The following RBFOX1 variants were observed in gnomAD, a reference collection of about 807,000 sequenced individuals.
RBFOX1 encodes the protein RNA binding fox-1 homolog 1, also known as RNA binding protein fox-1 homolog 1.
A neutral mutation model predicts 57.7 loss-of-function variants in RBFOX1; 8 were observed. The ratio of observed to expected loss-of-function variants is 0.14; its 90% confidence interval spans 0.08 to 0.25. The LOEUF is 0.25. RBFOX1 is among the 10% of genes least tolerant of loss of function. The pLI is 1.00. For synonymous variants in RBFOX1, 326 were observed against 222.4 expected, an observed-to-expected ratio of 1.47 and a Z score of -4.15; for missense variants, 611 against 548.5, an observed-to-expected ratio of 1.11 and a Z score of -1.14.
intron 2 of RBFOX1, among the ~76,000 whole-genome samples, chr16:6,619,792 T>C (rs137881209): frequency 5.3e-5 from 8 of 151,986 alleles, no homozygotes; most frequent in African/African-American, 1.4e-4. Context: ...GTTGTACAGA[T>C]GATTTCATCA....
chr16:6,112,977 T>C (rs1051650976), intron 1 of RBFOX1, among the ~76,000 whole-genome samples: 3 of 152,290 alleles, frequency 2.0e-5, no homozygotes, highest in South Asian at 2.1e-4. Flanking sequence ...GGAAGCACCA[T>C]TGAAGCCAAG....
chr16:7,286,547 C>T (rs2095655203), intron 4 of RBFOX1, among the ~76,000 whole-genome samples: 1 of 146,996 alleles, frequency 6.8e-6, no homozygotes, highest in African/African-American at 2.5e-5. Flanking sequence ...CTGCCAGGTT[C>T]AAGCAACTTT....
intron 4 of RBFOX1, among the ~76,000 whole-genome samples, chr16:7,470,877 CAG>C (rs1156876157): frequency 2.0e-5 from 3 of 148,914 alleles, no homozygotes; most frequent in African/African-American, 7.4e-5. Flanking sequence ...GAGTAGATCT[CAG>C]GGCGGGATGG....
At chr16:5,307,257 C>T (rs1282155571) in intron 1 of RBFOX1, among the ~76,000 whole-genome samples, 3 of 152,156 alleles carry the variant, frequency 2.0e-5, no homozygotes, top group African/African-American at 7.2e-5. Context: ...TATTTCTGTG[C>T]TCACACCAGG....
intron 12 of RBFOX1, among the ~76,000 whole-genome samples, chr16:7,659,998 G>A (rs2067295558): frequency 6.6e-6 from 1 of 152,136 alleles, no homozygotes; most frequent in African/African-American, 2.4e-5. Context: ...AAAAATAGCG[G>A]TATTTGAACA....
intron 12 of RBFOX1, among the ~76,000 whole-genome samples, chr16:7,657,246 C>T (rs2066527235): frequency 1.3e-5 from 2 of 152,306 alleles, no homozygotes; most frequent in South Asian, 2.1e-4. Flanking sequence ...AGATATCCAA[C>T]ATAAAGATAG....
intron 3 of RBFOX1, among the ~76,000 whole-genome samples, chr16:5,623,337 C>CA (rs901456136): frequency 7.9e-5 from 12 of 152,148 alleles, no homozygotes; most frequent in African/African-American, 2.7e-4. Flanking sequence ...GGCAGTTCCT[C>CA]AAAATGCATT....
chr16:7,330,723 A>T (rs577230575), intron 4 of RBFOX1, among the ~76,000 whole-genome samples: 2 of 152,126 alleles, frequency 1.3e-5, no homozygotes, highest in South Asian at 4.1e-4. Context: ...TGATGGAATT[A>T]AGTCTCCTGC....
intron 3 of RBFOX1, among the ~76,000 whole-genome samples, chr16:6,946,195 G>A (rs374094314): frequency 6.6e-6 from 1 of 152,222 alleles, no homozygotes; most frequent in South Asian, 2.1e-4. Flanking sequence ...ACCAGATACA[G>A]AGAATATTTT....
At chr16:6,039,328 G>A (rs2095410352) in intron 1 of RBFOX1, among the ~76,000 whole-genome samples, 1 of 132,624 alleles carries the variant, frequency 7.5e-6, no homozygotes, top group African/African-American at 2.9e-5. Flanking sequence ...AGGATAAGCT[G>A]TTAGTTTTCT....
At chr16:5,812,646 G>A (rs1350836774) in intron 3 of RBFOX1, among the ~76,000 whole-genome samples, 1 of 151,904 alleles carries the variant, frequency 6.6e-6, no homozygotes, top group East Asian at 1.9e-4. Flanking sequence ...ATCTTTGGTA[G>A]ACCCGGGCTC....
At chr16:6,813,851 C>T (rs1028329141) in intron 3 of RBFOX1, among the ~76,000 whole-genome samples, 4 of 152,000 alleles carry the variant, frequency 2.6e-5, no homozygotes, top group Non-Finnish European at 5.9e-5. Context: ...ACCCCTCTGG[C>T]TTCCATCTGA....
At chr16:6,071,344 A>G (rs577071962) in intron 1 of RBFOX1, among the ~76,000 whole-genome samples, 1 of 152,322 alleles carries the variant, frequency 6.6e-6, no homozygotes, top group East Asian at 1.9e-4. Flanking sequence ...AAACAAACAA[A>G]GAAACGGTAA....
intron 3 of RBFOX1, among the ~76,000 whole-genome samples, chr16:6,764,104 T>C (rs1431906644): frequency 1.3e-5 from 2 of 152,228 alleles, no homozygotes; most frequent in Non-Finnish European, 2.9e-5. Context: ...ATGTGCATTT[T>C]CTGTGCCTCC....
chr16:5,886,559 C>T (rs2057904384), intron 4 of RBFOX1, among the ~76,000 whole-genome samples: 1 of 152,082 alleles, frequency 6.6e-6, no homozygotes, highest in Non-Finnish European at 1.5e-5. Context: ...GAAAGAATAC[C>T]ATTGGCCCTG....
intron 1 of RBFOX1, among the ~76,000 whole-genome samples, chr16:5,258,142 A>G (rs1234778852): frequency 6.6e-6 from 1 of 152,146 alleles, no homozygotes; most frequent in Non-Finnish European, 1.5e-5. Context: ...TCGGCCTCCT[A>G]AAGTGCTGGG....
chr16:6,555,264 T>C (rs571970692), intron 2 of RBFOX1, among the ~76,000 whole-genome samples: 1 of 152,182 alleles, frequency 6.6e-6, no homozygotes, highest in Non-Finnish European at 1.5e-5. Context: ...TTTAATTAAT[T>C]TCCTTTCACC....
In RBFOX1 at chr16:5,656,183, G is replaced by A. The variant is rs552059014; in HGVS notation, c.318+57222G>A. Among the ~76,000 whole-genome samples, 311 of 152,280 alleles carry A rather than the reference G, an allele frequency of 2.0e-3. 2 individuals are homozygous for A. The highest frequency in any genetic ancestry group is 0.01 in the Middle Eastern group (3 of 294). On this transcript the variant is annotated intron_variant, in intron 3 of 19. Transcript: ENST00000641259. ...TGTTTCTCTTCTTAGGTGCATGTGT[G>A]TAGGCAAATCATTTGGACTTCCTAT...
At chr16:6,414,068 A>G (rs1454105506) in intron 2 of RBFOX1, among the ~76,000 whole-genome samples, 1 of 152,214 alleles carries the variant, frequency 6.6e-6, no homozygotes, top group East Asian at 1.9e-4. Flanking sequence ...GAGAGTGCCA[A>G]GAACACCCAA....
Sources: allele counts gnomAD v4.1 joint callset (sites outside exome capture counted in the v4.1 genomes callset), GRCh38; gene constraint gnomAD v4.1.1; transcripts MANE v1.5; gene names NCBI Gene and HGNC (gene_info 2026-07-23, HGNC 2026-07-21).